The following LMBR1 variants were observed in gnomAD, a reference collection of about 807,000 sequenced individuals.
The protein encoded by LMBR1 is limb development membrane protein 1, also known as limb region 1 protein homolog.
A neutral mutation model predicts 73.9 loss-of-function variants in LMBR1; 52 were observed. The observed-to-expected ratio is 0.70, with a 90% CI of 0.56 to 0.89. LMBR1 has a LOEUF of 0.89. Ranked by LOEUF, LMBR1 falls within the 40% of genes least tolerant of loss-of-function variation. The pLI is 0.00. For synonymous variants in LMBR1, 215 were observed against 209.4 expected (o/e 1.03, Z -0.23); for missense variants, 539 against 579.8 (o/e 0.93, Z 0.72).
intron 4 of LMBR1, among the ~76,000 whole-genome samples, chr7:156,802,772 C>A (rs897391880): frequency 6.6e-6 from 1 of 150,704 alleles, no homozygotes; most frequent in Non-Finnish European, 1.5e-5. Context: ...CTGCCCCCTG[C>A]CACTCCCCAC....
At chr7:156,690,246 C>CAAAACA (rs1806890658) in intron 15 of LMBR1, among the ~76,000 whole-genome samples, 1 of 152,164 alleles carries the variant, frequency 6.6e-6, no homozygotes, top group Admixed American at 6.5e-5. Context: ...ATATACTATT[C>CAAAACA]AATGACATAT....
intron 12 of LMBR1, among the ~76,000 whole-genome samples, chr7:156,726,429 C>T (rs1815774149): frequency 6.6e-6 from 1 of 151,568 alleles, no homozygotes; most frequent in Non-Finnish European, 1.5e-5. Flanking sequence ...AAACAATTAT[C>T]CCTATCTCAA....
At chr7:156,698,732 C>T (rs1290370214) in intron 15 of LMBR1, among the ~76,000 whole-genome samples, 11 of 152,136 alleles carry the variant, frequency 7.2e-5, no homozygotes, top group Non-Finnish European at 2.9e-5. Context: ...ACTTTTTCCT[C>T]CTAAACCTCC....
At position 156,680,376 on chromosome 7, in the gene LMBR1, C is replaced by CAGAGAGAGAGACAGAGAG. The variant is rs1554456485; in HGVS notation, c.*3701_*3702insCTCTCTGTCTCTCTCTCT. The CAGAGAGAGAGACAGAGAG allele has an allele frequency of 5.7e-5, 8 of 141,258 alleles. No homozygotes were observed. Among genetic ancestry groups the CAGAGAGAGAGACAGAGAG allele is most frequent in the African/African-American group, 2.0e-4 (7 of 35,426 alleles). 8.8% of individuals were successfully genotyped at this position (141,258 alleles called of 1,614,324 possible). ...TTTTTGCTTATACGTATCTGAGAGA[C>CAGAGAGAGAGACAGAGAG]AGAGAGAGAGAGAGAGAGAGAGAGA... On this transcript the variant is annotated 3_prime_UTR_variant, in exon 17 of 17. Coordinates refer to ENST00000353442, the MANE Select transcript of LMBR1 (RefSeq NM_022458.4).
chr7:156,887,372 A>G (rs1802089904), intron 1 of LMBR1, among the ~76,000 whole-genome samples: 1 of 149,344 alleles, frequency 6.7e-6, no homozygotes, highest in Non-Finnish European at 1.5e-5. Flanking sequence ...CTGAGGCAGG[A>G]GAATTGCCTG....
At chr7:156,771,153 C>A (rs1825106259) in intron 5 of LMBR1, among the ~76,000 whole-genome samples, 1 of 151,344 alleles carries the variant, frequency 6.6e-6, no homozygotes, top group African/African-American at 2.4e-5. Context: ...AATGGGAAAA[C>A]AAACGACTTG....
intron 3 of LMBR1, among the ~76,000 whole-genome samples, chr7:156,829,356 C>CA (rs1197359806): frequency 1.3e-5 from 2 of 152,186 alleles, no homozygotes; most frequent in East Asian, 3.8e-4. Flanking sequence ...GGTGGGGCCT[C>CA]ATGGGAGGTA....
chr7:156,707,291 G>C (rs1235116245), intron 15 of LMBR1, among the ~76,000 whole-genome samples: 1 of 152,124 alleles, frequency 6.6e-6, no homozygotes, highest in East Asian at 1.9e-4. Flanking sequence ...ATTCACAGCT[G>C]AATTCTACCA....
At chr7:156,708,034 T>TA (rs779179620) in intron 15 of LMBR1, among the ~76,000 whole-genome samples, 13,571 of 114,620 alleles carry the variant, frequency 0.12, 627 homozygotes, top group East Asian at 0.18. Flanking sequence ...CATTTCTATA[T>TA]AAAAAAAAAA....
At chr7:156,716,261 G>A (rs957566388) in intron 15 of LMBR1, among the ~76,000 whole-genome samples, 1 of 152,192 alleles carries the variant, frequency 6.6e-6, no homozygotes, top group Non-Finnish European at 1.5e-5. Flanking sequence ...ATAGAGAAAG[G>A]TGAATGGGAG....
chr7:156,741,835 A>G (rs540280451), intron 9 of LMBR1, among the ~76,000 whole-genome samples: 1 of 152,300 alleles, frequency 6.6e-6, no homozygotes, highest in East Asian at 1.9e-4. Flanking sequence ...TCTAATGGAT[A>G]TCAGAATAAA....
intron 3 of LMBR1, among the ~76,000 whole-genome samples, chr7:156,832,426 CAAAAT>C (rs1836851560): frequency 6.6e-6 from 1 of 152,152 alleles, no homozygotes; most frequent in African/African-American, 2.4e-5. Context: ...TTCATTGCCC[CAAAAT>C]AAAATGCCAA....
chr7:156,826,332 C>T (rs1008022421), intron 4 of LMBR1, among the ~76,000 whole-genome samples: 2 of 152,118 alleles, frequency 1.3e-5, no homozygotes, highest in Admixed American at 6.6e-5. Context: ...GTCAGATAAA[C>T]CAAAATACTC....
intron 1 of LMBR1, among the ~76,000 whole-genome samples, chr7:156,851,588 G>A (rs566787352): frequency 5.3e-5 from 8 of 152,264 alleles, no homozygotes; most frequent in East Asian, 1.9e-4. Flanking sequence ...GGTAAAGTTG[G>A]GGGGCTGGGG....
Position 156,683,030 on chromosome 7 carries a change from G to A in LMBR1, c.*1048C>T, listed in dbSNP as rs188653697. 6.6e-6 allele frequency: 1 copy of A among 152,268 alleles called. No individual in the cohort carries two copies. Among genetic ancestry groups the A allele is most frequent in the East Asian group, 1.9e-4 (1 of 5,184 alleles). 9.4% of individuals were successfully genotyped at this position (152,268 alleles called of 1,614,324 possible). A position where few individuals can be genotyped will look rare whatever the true frequency, so the allele number is the denominator to read the frequency against. Reference sequence around the variant, plus strand: ...TTAATAACTGAATGATTATCAGATCGTGTTATACTGCAAAACTGTTCTTAC... The same window carrying A: ...TTAATAACTGAATGATTATCAGATCATGTTATACTGCAAAACTGTTCTTAC... On this transcript the variant is annotated 3_prime_UTR_variant, in exon 17 of 17. Transcript: ENST00000353442.
chr7:156,797,057 G>C (rs960038498), intron 4 of LMBR1, among the ~76,000 whole-genome samples: 1 of 152,202 alleles, frequency 6.6e-6, no homozygotes, highest in Non-Finnish European at 1.5e-5. Context: ...AGCAGGCTAT[G>C]CAACTTGCCA....
At chr7:156,785,551 C>T (rs951500679) in intron 5 of LMBR1, among the ~76,000 whole-genome samples, 4 of 152,026 alleles carry the variant, frequency 2.6e-5, no homozygotes, top group South Asian at 2.1e-4. Context: ...AGTTTCTGAA[C>T]GCTGCCTTGG....
At position 156,727,213 on chromosome 7, in the gene LMBR1, T is replaced by A. The variant is rs368516777; in HGVS notation, c.993+717A>T. On this transcript the variant is annotated intron_variant, in intron 12 of 16. Coordinates refer to ENST00000353442, the MANE Select transcript of LMBR1 (RefSeq NM_022458.4). ...GAGATAATACTTTGGAATTATGCTA[T>A]CTCAAGAGAAGCCATGTAGGAAGGA... is the stretch of plus-strand genomic sequence containing the variant. Among the ~76,000 whole-genome samples, 90 of 152,328 alleles carry A rather than the reference T, an allele frequency of 5.9e-4. 1 individual carries two copies. In the South Asian group the frequency reaches 0.018, roughly 30 times the overall value.
At chr7:156,865,226 G>C (rs534418963) in intron 1 of LMBR1, among the ~76,000 whole-genome samples, 2 of 152,162 alleles carry the variant, frequency 1.3e-5, no homozygotes, top group South Asian at 4.1e-4. Context: ...AAGATCACTT[G>C]AGCCTAGGGG....
Sources: allele counts gnomAD v4.1 joint callset (sites outside exome capture counted in the v4.1 genomes callset), GRCh38; gene constraint gnomAD v4.1.1; transcripts MANE v1.5; gene names NCBI Gene and HGNC (gene_info 2026-07-23, HGNC 2026-07-21).